PKNOX2: variants seen among roughly 807,000 people sequenced by gnomAD.
PKNOX2 encodes the protein homeobox protein PKNOX2.
Under a neutral mutation model 53.1 loss-of-function variants are expected in PKNOX2, and 14 were observed. The observed-to-expected ratio is 0.26, with a 90% CI of 0.17 to 0.41. The LOEUF is 0.41. Ranked by LOEUF, PKNOX2 falls within the 10% of genes least tolerant of loss-of-function variation. The probability of loss-of-function intolerance (pLI) is 1.00; values close to 1 mark genes in which losing one functional copy is unlikely to be tolerated. For synonymous variants in PKNOX2, 257 were observed against 242.8 expected, an observed-to-expected ratio of 1.06 and a Z score of -0.54; for missense variants, 496 against 602.8, an observed-to-expected ratio of 0.82 and a Z score of 1.85.
chr11:125,387,837 GA>G (rs1003326385), intron 6 of PKNOX2, among the ~76,000 whole-genome samples: 118 of 152,280 alleles, frequency 7.7e-4, no homozygotes, highest in African/African-American at 2.7e-3. Context: ...TATGTAAATG[GA>G]GATATTTGAA....
chr11:125,240,922 C>T lies in PKNOX2; in HGVS notation c.-130+5807C>T, dbSNP rs182070056. Among the ~76,000 whole-genome samples the T allele has an allele frequency of 1.3e-5, 2 of 152,290 alleles. No homozygotes were observed. The highest frequency in any genetic ancestry group is 6.5e-5 in the Admixed American group (1 of 15,310). ...TTGCATGGATCAAAGAGGAAAATAC[C>T]TCATTAGACCCATTTATCATCAGAG... On this transcript the variant is annotated intron_variant, in intron 2 of 12. Transcript: ENST00000298282. The surrounding 1 kb of genome is among the most constrained non-coding windows in gnomAD (Gnocchi z 4.3).
At chr11:125,348,126 A>G (rs997674004) in intron 3 of PKNOX2, among the ~76,000 whole-genome samples, 3 of 152,178 alleles carry the variant, frequency 2.0e-5, no homozygotes, top group Non-Finnish European at 2.9e-5. Flanking sequence ...CTGTGGCTCA[A>G]AGAGTTCCCC....
At chr11:125,260,477 G>C (rs998038038) in intron 2 of PKNOX2, among the ~76,000 whole-genome samples, 7 of 151,646 alleles carry the variant, frequency 4.6e-5, no homozygotes, top group African/African-American at 1.5e-4. Flanking sequence ...GATTACAGAC[G>C]TGAGCCACCA....
At chr11:125,192,346 G>T (rs1024808195) in intron 1 of PKNOX2, among the ~76,000 whole-genome samples, 2 of 152,222 alleles carry the variant, frequency 1.3e-5, no homozygotes, top group African/African-American at 4.8e-5. Context: ...GCTAAAGAAT[G>T]TGTCTGAAGG....
intron 2 of PKNOX2, among the ~76,000 whole-genome samples, chr11:125,305,109 C>T (rs1481971129): frequency 1.3e-5 from 2 of 152,180 alleles, no homozygotes; most frequent in Non-Finnish European, 2.9e-5. Flanking sequence ...TGAAGATGGA[C>T]AAGACACCCA....
In PKNOX2 at chr11:125,429,874, GGAGT is replaced by G; in HGVS notation, c.1014-88_1014-85del. Reference sequence around the variant, plus strand: ...GGAACCCCGGTCTGCTCTGTGAAATGGAGTCTGAAGGCAGCTTCACCCTCCCTGC... The same window carrying G: ...GGAACCCCGGTCTGCTCTGTGAAATGCTGAAGGCAGCTTCACCCTCCCTGC... On this transcript the variant is annotated intron_variant, in intron 11 of 12. Coordinates refer to ENST00000298282, the MANE Select transcript of PKNOX2 (RefSeq NM_001382323.2). 6 of 1,409,082 alleles carry G rather than the reference GGAGT, an allele frequency of 4.3e-6. No individual in the cohort carries two copies. In the Admixed American group the frequency reaches 1.3e-4, roughly 31 times the overall value. 87.3% of individuals were successfully genotyped at this position (1,409,082 alleles called of 1,614,324 possible). A position where few individuals can be genotyped will look rare whatever the true frequency, so the allele number is the denominator to read the frequency against.
At chr11:125,379,709 C>T (rs1019809165) in intron 5 of PKNOX2, among the ~76,000 whole-genome samples, 3 of 152,098 alleles carry the variant, frequency 2.0e-5, no homozygotes, top group East Asian at 1.9e-4. Flanking sequence ...TGTCTCTAAT[C>T]GCCTCTCCCG....
chr11:125,210,670 A>T (rs541345803), intron 1 of PKNOX2, among the ~76,000 whole-genome samples: 2 of 152,224 alleles, frequency 1.3e-5, no homozygotes, highest in African/African-American at 4.8e-5. Flanking sequence ...GGTTTCCTGG[A>T]ACACAGGAAT....
At chr11:125,376,281 C>G (rs1049746797) in intron 5 of PKNOX2, among the ~76,000 whole-genome samples, 2 of 152,204 alleles carry the variant, frequency 1.3e-5, no homozygotes, top group African/African-American at 4.8e-5. Flanking sequence ...GCAACCCAGG[C>G]GAACACACCG....
chr11:125,338,131 T>TGG (rs2136139405), intron 3 of PKNOX2, among the ~76,000 whole-genome samples: 1 of 152,314 alleles, frequency 6.6e-6, no homozygotes, highest in African/African-American at 2.4e-5. Flanking sequence ...CTGTCCCCCT[T>TGG]GGGGAGCTCT....
chr11:125,200,337 T>C (rs1938297225), intron 1 of PKNOX2, among the ~76,000 whole-genome samples: 1 of 152,202 alleles, frequency 6.6e-6, no homozygotes, highest in Non-Finnish European at 1.5e-5. Flanking sequence ...CACCTTAACT[T>C]GTGCCTCCCC....
intron 3 of PKNOX2, among the ~76,000 whole-genome samples, chr11:125,347,023 A>C (rs1951015582): frequency 6.6e-6 from 1 of 152,154 alleles, no homozygotes; most frequent in Non-Finnish European, 1.5e-5. Flanking sequence ...GAAGGGACTC[A>C]CTTCCCCGGG....
At chr11:125,318,346 C>T (rs1949330364) in intron 2 of PKNOX2, among the ~76,000 whole-genome samples, 1 of 150,592 alleles carries the variant, frequency 6.6e-6, no homozygotes. Context: ...GTCTCAAACT[C>T]CTGACCTCAG....
intron 5 of PKNOX2, among the ~76,000 whole-genome samples, chr11:125,383,620 C>T (rs1953408780): frequency 6.6e-6 from 1 of 152,034 alleles, no homozygotes; most frequent in African/African-American, 2.4e-5. Flanking sequence ...GTCAAAAAAA[C>T]AAACAAACAA....
At chr11:125,301,529 T>G (rs958824053) in intron 2 of PKNOX2, among the ~76,000 whole-genome samples, 1 of 151,948 alleles carries the variant, frequency 6.6e-6, no homozygotes, top group Admixed American at 6.6e-5. Context: ...TTTGGCATTA[T>G]CAAGGATTTC....
At chr11:125,305,691 A>T (rs1948394484) in intron 2 of PKNOX2, among the ~76,000 whole-genome samples, 1 of 152,204 alleles carries the variant, frequency 6.6e-6, no homozygotes, top group Admixed American at 6.5e-5. Flanking sequence ...TCTGGAAGAA[A>T]AATTGCAGTA....
intron 5 of PKNOX2, among the ~76,000 whole-genome samples, chr11:125,379,954 A>G (rs1338649987): frequency 7.4e-5 from 9 of 121,510 alleles, no homozygotes; most frequent in Non-Finnish European, 1.6e-5. Context: ...GCATATCTTA[A>G]GTTTGATTTT....
At chr11:125,214,940 C>T (rs1202822875) in intron 1 of PKNOX2, among the ~76,000 whole-genome samples, 1 of 152,034 alleles carries the variant, frequency 6.6e-6, no homozygotes, top group Non-Finnish European at 1.5e-5. Context: ...GGCGTGAGAT[C>T]CCCCAGGGGC....
intron 1 of PKNOX2, among the ~76,000 whole-genome samples, chr11:125,227,156 C>T (rs1017709166): frequency 2.0e-5 from 3 of 151,962 alleles, no homozygotes; most frequent in South Asian, 2.1e-4. Context: ...TTTTAAGCAC[C>T]CCTGATAGCT....
Sources: gnomAD v4.1 joint callset for allele counts (sites outside exome capture counted in the v4.1 genomes callset) on GRCh38, gnomAD v4.1.1 for gene constraint, Gnocchi (gnomAD v3.1) non-coding constraint, MANE v1.5 for transcripts, NCBI Gene and HGNC (gene_info 2026-07-23, HGNC 2026-07-21) for gene names.